Variants in GNG4 observed in about 807,000 individuals in gnomAD.
GNG4 encodes G protein subunit gamma 4, also known as guanine nucleotide-binding protein G(I)/G(S)/G(O) subunit gamma-4.
Under a neutral mutation model 5.8 loss-of-function variants are expected in GNG4, and 4 were observed. That is an observed-to-expected ratio of 0.69 (90% CI 0.34 to 1.57). The LOEUF is 1.57. Among genes scored for constraint, GNG4 ranks in the 40% most tolerant of loss-of-function variants. GNG4 has a pLI of 0.06. For missense variants in GNG4, 96 were observed against 95.1 expected (o/e 1.01, Z -0.04); for synonymous variants, 29 against 32.9 (o/e 0.88, Z 0.41).
intron 3 of GNG4, among the ~76,000 whole-genome samples, chr1:235,581,569 T>A (rs1177411757): frequency 6.6e-6 from 1 of 151,360 alleles, no homozygotes; most frequent in Non-Finnish European, 1.5e-5. Context: ...CTCTTTCTCC[T>A]GCTATGTAAG....
chr1:235,606,081 T>C (rs1688354460), intron 1 of GNG4, among the ~76,000 whole-genome samples: 1 of 151,892 alleles, frequency 6.6e-6, no homozygotes, highest in Non-Finnish European at 1.5e-5. Flanking sequence ...TGTTACATTC[T>C]AGAAAGGTCA....
intron 3 of GNG4, among the ~76,000 whole-genome samples, chr1:235,554,302 C>T (rs1325498792): frequency 1.3e-5 from 2 of 152,218 alleles, no homozygotes; most frequent in Non-Finnish European, 2.9e-5. Context: ...GGCTTCTCAC[C>T]ATGCCCAGAG....
chr1:235,577,310 C>G (rs777504107), intron 3 of GNG4, among the ~76,000 whole-genome samples: 1 of 152,152 alleles, frequency 6.6e-6, no homozygotes, highest in Admixed American at 6.5e-5. Context: ...CGATTCCTAC[C>G]ATGGACCCTC....
chr1:235,626,788 G>A (rs188934102), intron 1 of GNG4, among the ~76,000 whole-genome samples: 1 of 151,892 alleles, frequency 6.6e-6, no homozygotes, highest in African/African-American at 2.4e-5. Flanking sequence ...GTGAAACCCT[G>A]TCTCTACTAA....
In GNG4 at chr1:235,566,384, C is replaced by T. The variant is rs191876440; in HGVS notation, c.100-14147G>A. Among the ~76,000 whole-genome samples the T allele has an allele frequency of 3.2e-3, 491 of 152,278 alleles. 5 individuals are homozygous for T. The highest frequency in any genetic ancestry group is 9.9e-3 in the African/African-American group (411 of 41,564). On this transcript the variant is annotated intron_variant, in intron 3 of 3. Transcript: ENST00000391854. The stretch of plus-strand genomic sequence containing the variant: ...GGAGCGTGAACCCTATTGTCAACTG[C>T]GCATGCAAGGAATCTAGCTTGCATG...
chr1:235,604,090 T>C, intron 1 of GNG4, among the ~76,000 whole-genome samples: 1 of 152,220 alleles, frequency 6.6e-6, no homozygotes, highest in East Asian at 1.9e-4. Flanking sequence ...ACTCGTGGCC[T>C]GAGGCTCTTA....
intron 1 of GNG4, among the ~76,000 whole-genome samples, chr1:235,612,504 C>T (rs932796504): frequency 1.3e-5 from 2 of 152,082 alleles, no homozygotes; most frequent in Non-Finnish European, 2.9e-5. Flanking sequence ...TTCACCTGGG[C>T]TGCTATAACA....
chr1:235,615,598 G>A (rs1688571610), intron 1 of GNG4: 1 of 218,904 alleles, frequency 4.6e-6, no homozygotes, highest in African/African-American at 2.3e-5. Flanking sequence ...CCCTCTGGAA[G>A]ATGATTATGT....
chr1:235,605,260 G>A (rs1460471300), intron 1 of GNG4, among the ~76,000 whole-genome samples: 2 of 150,806 alleles, frequency 1.3e-5, no homozygotes, highest in South Asian at 2.1e-4. Flanking sequence ...GCACGATCCC[G>A]GCTCACTACA....
At chr1:235,559,504 A>C (rs1687003392) in intron 3 of GNG4, among the ~76,000 whole-genome samples, 1 of 152,092 alleles carries the variant, frequency 6.6e-6, no homozygotes. Context: ...AGATACTTTC[A>C]TATTATGGCT....
At chr1:235,635,779 A>G (rs946380994) in intron 1 of GNG4, among the ~76,000 whole-genome samples, 1 of 152,224 alleles carries the variant, frequency 6.6e-6, no homozygotes, top group African/African-American at 2.4e-5. Flanking sequence ...ATTCAGTAAC[A>G]TACTTAAATT....
chr1:235,608,472 C>A (rs1457631574), intron 1 of GNG4, among the ~76,000 whole-genome samples: 1 of 152,170 alleles, frequency 6.6e-6, no homozygotes, highest in Non-Finnish European at 1.5e-5. Flanking sequence ...CACGTCCACA[C>A]CTTCAGAATA....
chr1:235,587,566 G>C (rs1344384622), intron 2 of GNG4, among the ~76,000 whole-genome samples: 1 of 53,812 alleles, frequency 1.9e-5, no homozygotes, highest in Non-Finnish European at 4.3e-5. Flanking sequence ...GTGAATGTGG[G>C]AGGGTGTGGG....
chr1:235,603,265 TAATAA>T (rs1280423983), intron 1 of GNG4, among the ~76,000 whole-genome samples: 7 of 39,238 alleles, frequency 1.8e-4, no homozygotes, highest in African/African-American at 2.9e-4. Context: ...TAATAATTAA[TAATAA>T]TAATAATAAT....
intron 1 of GNG4, among the ~76,000 whole-genome samples, chr1:235,611,238 G>GCTCA (rs1688470594): frequency 6.6e-6 from 1 of 151,448 alleles, no homozygotes; most frequent in Non-Finnish European, 1.5e-5. Flanking sequence ...TACCATCATG[G>GCTCA]CTCACTGCAG....
intron 2 of GNG4, among the ~76,000 whole-genome samples, chr1:235,588,604 C>T (rs372593427): frequency 2.0e-5 from 3 of 152,092 alleles, no homozygotes; most frequent in East Asian, 1.9e-4. Context: ...AGACCCCCCC[C>T]ACTAAACTCT....
At chr1:235,555,533 G>A (rs1377511148) in intron 3 of GNG4, among the ~76,000 whole-genome samples, 1 of 151,948 alleles carries the variant, frequency 6.6e-6, no homozygotes, top group African/African-American at 2.4e-5. Flanking sequence ...GAAAAAATTA[G>A]CCAGGCATGA....
chr1:235,610,552 T>G lies in GNG4; in HGVS notation c.-122-15041A>C, dbSNP rs1019992855. On this transcript the variant is annotated intron_variant, in intron 1 of 3. Transcript: ENST00000391854. Reference sequence around the variant, plus strand: ...TTCTGTTTTATTCAGTAGGCTACAATTCATTACTATCAGTATTTATTTTGA... The same window carrying G: ...TTCTGTTTTATTCAGTAGGCTACAAGTCATTACTATCAGTATTTATTTTGA... Among the ~76,000 whole-genome samples, 7 of 152,216 alleles carry G rather than the reference T, an allele frequency of 4.6e-5. No individual in the cohort carries two copies. In the East Asian group the frequency reaches 1.3e-3, roughly 29 times the overall value.
At position 235,644,521 on chromosome 1, in the gene GNG4, C is replaced by T. The variant is rs1430543993; in HGVS notation, c.-123+5141G>A. Among the ~76,000 whole-genome samples the T allele has an allele frequency of 6.6e-6, 1 of 152,198 alleles. No homozygotes were observed. The highest frequency in any genetic ancestry group is 1.5e-5 in the Non-Finnish European group (1 of 68,032). The stretch of plus-strand genomic sequence containing the variant: ...ACACATGCACGGTGTAGACTGAAGT[C>T]ATCAGGTCTCCTTAACCAGGCTGCA... On this transcript the variant is annotated intron_variant, in intron 1 of 3. Transcript: ENST00000391854. The surrounding 1 kb of genome is among the most constrained non-coding windows in gnomAD (Gnocchi z 5.9).
Sources: gnomAD v4.1 joint callset for allele counts (sites outside exome capture counted in the v4.1 genomes callset) on GRCh38, gnomAD v4.1.1 for gene constraint, Gnocchi (gnomAD v3.1) non-coding constraint, MANE v1.5 for transcripts, NCBI Gene and HGNC (gene_info 2026-07-23, HGNC 2026-07-21) for gene names.